DEPDC5: variants seen among roughly 807,000 people sequenced by gnomAD.
The protein encoded by DEPDC5 is DEP domain containing 5, GATOR1 subcomplex subunit, also known as GATOR1 complex protein DEPDC5.
Under a neutral mutation model 217.3 loss-of-function variants are expected in DEPDC5, and 73 were observed. The observed-to-expected ratio is 0.34, with a 90% confidence interval of 0.28 to 0.41. The LOEUF is 0.41. DEPDC5 is among the 10% of genes least tolerant of loss of function. The pLI is 1.00. For missense variants in DEPDC5, 1,675 were observed against 2,070.1 expected, an observed-to-expected ratio of 0.81 and a Z score of 3.70; for synonymous variants, 733 against 756.7, an observed-to-expected ratio of 0.97 and a Z score of 0.51.
chr22:31,862,990 T>G (rs1256856973), intron 33 of DEPDC5, among the ~76,000 whole-genome samples: 1 of 151,938 alleles, frequency 6.6e-6, no homozygotes, highest in Non-Finnish European at 1.5e-5. Flanking sequence ...TAGCTGGGAG[T>G]ATAGGTATGA....
chr22:31,831,249 C>A (rs1219105863), intron 24 of DEPDC5: 1 of 152,242 alleles, frequency 6.6e-6, no homozygotes, highest in Non-Finnish European at 1.5e-5. Context: ...CTTCTCTGAG[C>A]CTCAGTTTCT....
chr22:31,884,604 ATAT>A (rs2093261141), intron 38 of DEPDC5, among the ~76,000 whole-genome samples: 1 of 152,114 alleles, frequency 6.6e-6, no homozygotes, highest in Admixed American at 6.5e-5. Flanking sequence ...TAATCTTTTA[ATAT>A]TATAGCATTC....
chr22:31,821,403 A>T, intron 22 of DEPDC5, 99 bp from the exon 23 acceptor site: 2 of 1,504,056 alleles, frequency 1.3e-6, no homozygotes, highest in Non-Finnish European at 1.8e-6. Flanking sequence ...TCTCACCAAC[A>T]TCTGTATCCC....
chr22:31,771,404 G>A (rs2083340949), intron 7 of DEPDC5, among the ~76,000 whole-genome samples: 1 of 152,112 alleles, frequency 6.6e-6, no homozygotes, highest in African/African-American at 2.4e-5. Flanking sequence ...GGACAACATA[G>A]TAAGACCTCA....
intron 2 of DEPDC5, among the ~76,000 whole-genome samples, chr22:31,758,106 A>C (rs1358814260): frequency 6.6e-6 from 1 of 152,136 alleles, no homozygotes; most frequent in Non-Finnish European, 1.5e-5. Flanking sequence ...CTAAAGATTT[A>C]TTGTGACGGT....
chr22:31,849,564 T>A (rs116466095), intron 31 of DEPDC5, among the ~76,000 whole-genome samples: 2,208 of 152,118 alleles, frequency 0.015, 50 homozygotes, highest in African/African-American at 0.051. Flanking sequence ...GTGAATCACC[T>A]GAGACCAGGA....
intron 4 of DEPDC5, among the ~76,000 whole-genome samples, chr22:31,764,279 TAC>T (rs755735233): frequency 1.3e-5 from 2 of 152,156 alleles, no homozygotes; most frequent in Non-Finnish European, 2.9e-5. Flanking sequence ...TGCCCCATGT[TAC>T]GTTTCTTACC....
In DEPDC5 at chr22:31,879,043, A is replaced by AATATATAT. The variant is rs1555918454; in HGVS notation, c.3806-464_3806-457dup. ...AGACTCCGTCTCAAAAAAAAAAAAA[A>AATATATAT]ATATATATATATATATATATATATA... is the stretch of plus-strand genomic sequence containing the variant. On this transcript the variant is annotated intron_variant, in intron 37 of 42. Coordinates refer to ENST00000651528, the MANE Select transcript of DEPDC5 (RefSeq NM_001242896.3). Among the ~76,000 whole-genome samples, 9 of 119,460 alleles carry AATATATAT rather than the reference A, an allele frequency of 7.5e-5. No individual in the cohort carries two copies. In the East Asian group the frequency reaches 9.8e-4, roughly 13 times the overall value. 78.4% of individuals were successfully genotyped at this position (119,460 alleles called of 152,430 possible). A position where few individuals can be genotyped will look rare whatever the true frequency, so the allele number is the denominator to read the frequency against.
At chr22:31,844,560 G>A (rs948775562) in intron 29 of DEPDC5, among the ~76,000 whole-genome samples, 13 of 152,196 alleles carry the variant, frequency 8.5e-5, no homozygotes, top group Admixed American at 3.9e-4. Context: ...GCTTTGTGAC[G>A]CCTGATTTTT....
At chr22:31,815,550 T>A in intron 21 of DEPDC5, 1 of 623,472 alleles carries the variant, frequency 1.6e-6, no homozygotes, top group East Asian at 2.8e-5. Context: ...CCCAGCTGAT[T>A]ATCATATTTT....
Position 31,778,084 on chromosome 22 carries a change from T to G in DEPDC5, c.414-15T>G, listed in dbSNP as rs1175270990. On this transcript the variant is annotated splice_polypyrimidine_tract_variant and intron_variant, in intron 7 of 42. Coordinates refer to ENST00000651528, the MANE Select transcript of DEPDC5 (RefSeq NM_001242896.3). ...CATGTAAGACTTGTAATAACTTGTGTGTGTATTCTTTCAGAGCACAGGCTG... is the reference window on the plus strand; with the variant it reads ...CATGTAAGACTTGTAATAACTTGTGGGTGTATTCTTTCAGAGCACAGGCTG... 1.2e-6 allele frequency: 2 copies of G among 1,613,632 alleles called. No individual in the cohort carries two copies. Among genetic ancestry groups the G allele is most frequent in the Non-Finnish European group, 1.7e-6 (2 of 1,179,656 alleles).
At chr22:31,785,759 T>C (rs897315243) in intron 10 of DEPDC5, among the ~76,000 whole-genome samples, 3 of 152,168 alleles carry the variant, frequency 2.0e-5, no homozygotes, top group South Asian at 2.1e-4. Flanking sequence ...AGGATAGATA[T>C]ATAGATCAAT....
At chr22:31,853,426 A>G (rs2092132660) in intron 31 of DEPDC5, 1 of 152,184 alleles carries the variant, frequency 6.6e-6, no homozygotes, top group Admixed American at 6.5e-5. Flanking sequence ...TTCTGAATAG[A>G]GGTAGAGTAG....
intron 31 of DEPDC5, among the ~76,000 whole-genome samples, chr22:31,851,162 G>C (rs1290110156): frequency 6.6e-6 from 1 of 152,090 alleles, no homozygotes; most frequent in Non-Finnish European, 1.5e-5. Context: ...AGGGGCATAT[G>C]CCTTGGTTTC....
intron 24 of DEPDC5, among the ~76,000 whole-genome samples, chr22:31,831,876 A>G (rs546961984): frequency 6.6e-6 from 1 of 152,364 alleles, no homozygotes; most frequent in South Asian, 2.1e-4. Flanking sequence ...ACACATCAAG[A>G]TAAGAAAATT....
rs574412587 is a variant in DEPDC5 at position 31,797,338 on chromosome 22, G to A, written c.768-262G>A. Among the ~76,000 whole-genome samples, 3 of 152,288 alleles carry A rather than the reference G, an allele frequency of 2.0e-5. No individual in the cohort carries two copies. In the South Asian group the frequency reaches 6.2e-4, roughly 32 times the overall value. ...AATCCTGGTGGAAGGCGAAGGGGAA[G>A]CAAGGCATGTCTTACCATGGTGAAG... On this transcript the variant is annotated intron_variant, in intron 12 of 42. Coordinates refer to ENST00000651528, the MANE Select transcript of DEPDC5 (RefSeq NM_001242896.3).
At chr22:31,897,448 A>T (rs778591263) in intron 39 of DEPDC5, 34 bp from the exon 40 acceptor site, 1 of 1,573,290 alleles carries the variant, frequency 6.4e-7, no homozygotes, top group Admixed American at 1.8e-5. Context: ...AAGAACTTGG[A>T]GATGATATTG....
intron 36 of DEPDC5, chr22:31,875,087 G>A (rs1227232197): frequency 6.3e-6 from 1 of 158,496 alleles, no homozygotes; most frequent in Non-Finnish European, 1.5e-5. Flanking sequence ...CTATACGGAG[G>A]CCCCAACTGG....
chr22:31,902,408 T>TTATTTATATATATATATATA (rs1555938650), intron 41 of DEPDC5, among the ~76,000 whole-genome samples: 36 of 111,926 alleles, frequency 3.2e-4, no homozygotes, highest in African/African-American at 1.2e-3. Context: ...CATCTCCTTA[T>TTATTTATATATATATATATA]TATATATATA....
Sources: allele counts gnomAD v4.1 joint callset (sites outside exome capture counted in the v4.1 genomes callset), GRCh38; gene constraint gnomAD v4.1.1; transcripts MANE v1.5; gene names NCBI Gene and HGNC (gene_info 2026-07-23, HGNC 2026-07-21).